CDH10: variants seen among roughly 807,000 people sequenced by gnomAD.
The protein encoded by CDH10 is cadherin-10.
CDH10 carries 30 observed loss-of-function variants against 73.1 expected under a neutral mutation model. That is an observed-to-expected ratio of 0.41 (90% CI 0.31 to 0.56). CDH10 has a LOEUF of 0.56. Among genes scored for constraint, CDH10 ranks in the 20% least tolerant of loss-of-function variants. The probability of loss-of-function intolerance (pLI) is 0.27; values close to 1 mark genes in which losing one functional copy is unlikely to be tolerated. For synonymous variants in CDH10, 345 were observed against 348.2 expected (o/e 0.99, Z 0.10); for missense variants, 815 against 973.7 (o/e 0.84, Z 2.17).
chr5:24,508,250 T>C (rs1742770274), intron 7 of CDH10, among the ~76,000 whole-genome samples: 1 of 152,222 alleles, frequency 6.6e-6, no homozygotes, highest in Non-Finnish European at 1.5e-5. Context: ...GAATAGTGTA[T>C]GTCAATATAT....
At chr5:24,619,822 G>A (rs184361950) in intron 1 of CDH10, among the ~76,000 whole-genome samples, 1 of 152,272 alleles carries the variant, frequency 6.6e-6, no homozygotes, top group Non-Finnish European at 1.5e-5. Flanking sequence ...ACTACGTGTG[G>A]TCACAAGGAG....
At chr5:24,642,562 T>G (rs1748088657) in intron 1 of CDH10, among the ~76,000 whole-genome samples, 1 of 152,138 alleles carries the variant, frequency 6.6e-6, no homozygotes, top group Non-Finnish European at 1.5e-5. Context: ...TATCCTCTCT[T>G]TTTCTTTTTT....
At chr5:24,492,722 A>G (rs937102682) in intron 10 of CDH10, 95 bp downstream of exon 10, 5 of 635,260 alleles carry the variant, frequency 7.9e-6, no homozygotes, top group South Asian at 2.1e-5. Context: ...ACTCAGATCA[A>G]TAAATTGATA....
chr5:24,623,856 A>G (rs1747397495), intron 1 of CDH10, among the ~76,000 whole-genome samples: 3 of 152,202 alleles, frequency 2.0e-5, no homozygotes, highest in Admixed American at 1.3e-4. Flanking sequence ...TGTCAACTAT[A>G]CCAGTGATGA....
rs560711996 is a variant in CDH10, at chr5:24,512,272, T to C, written c.815-758A>G. ...TTCCCATCTTAATCTCTGGGATAGT[T>C]GGGATTAGAGACGCAAGCCACGCAC... is the stretch of plus-strand genomic sequence containing the variant. On this transcript the variant is annotated intron_variant, in intron 5 of 11. Coordinates refer to ENST00000264463, the MANE Select transcript of CDH10 (RefSeq NM_006727.5). 7.2e-5 allele frequency among the ~76,000 whole-genome samples: 11 copies of C among 152,284 alleles called. No individual in the cohort carries two copies. The South Asian group carries it at 2.3e-3, about 32-fold the overall frequency.
intron 1 of CDH10, among the ~76,000 whole-genome samples, chr5:24,641,526 A>G (rs1257462897): frequency 6.6e-6 from 1 of 152,068 alleles, no homozygotes; most frequent in Admixed American, 6.6e-5. Context: ...ACAAAACAAT[A>G]TATTTTTGTG....
chr5:24,616,388 A>G (rs1364160575), intron 1 of CDH10, among the ~76,000 whole-genome samples: 1 of 152,206 alleles, frequency 6.6e-6, no homozygotes, highest in East Asian at 1.9e-4. Flanking sequence ...TGTAGGAAAG[A>G]ACACTGAATA....
At position 24,602,305 on chromosome 5, in the gene CDH10, G is replaced by T. The variant is rs551987191; in HGVS notation, c.-123-8692C>A. Among the ~76,000 whole-genome samples the T allele has an allele frequency of 2.0e-5, 3 of 152,236 alleles. No homozygotes were observed. The East Asian group carries it at 5.8e-4, about 30-fold the overall frequency. On this transcript the variant is annotated intron_variant, in intron 1 of 11. Transcript: ENST00000264463. ...GGAACCAGAGAGATTTATCATTTCA[G>T]CAAGTATTTAGTGGGCTAAGATCAC...
chr5:24,554,328 T>A (rs1425885236), intron 2 of CDH10: 1 of 152,220 alleles, frequency 6.6e-6, no homozygotes, highest in East Asian at 1.9e-4. Flanking sequence ...TAATTAGAAA[T>A]GTAATTTATT....
chr5:24,528,003 G>A (rs1303356285), intron 5 of CDH10, among the ~76,000 whole-genome samples: 2 of 151,820 alleles, frequency 1.3e-5, no homozygotes, highest in Non-Finnish European at 2.9e-5. Flanking sequence ...TCTTAGCACA[G>A]TTCTTGGCAC....
At position 24,512,757 on chromosome 5, in the gene CDH10, C is replaced by T. The variant is rs939323308; in HGVS notation, c.815-1243G>A. The stretch of plus-strand genomic sequence containing the variant: ...AACTACATATTTCTGATGGATTAAT[C>T]AACCTCAAGTACACTCTGATTATAG... On this transcript the variant is annotated intron_variant, in intron 5 of 11. Transcript: ENST00000264463. 6.6e-5 allele frequency among the ~76,000 whole-genome samples: 10 copies of T among 152,126 alleles called. No individual in the cohort carries two copies. In the South Asian group the frequency reaches 8.3e-4, roughly 13 times the overall value.
chr5:24,536,760 C>A (rs1743967725), intron 3 of CDH10, among the ~76,000 whole-genome samples: 1 of 151,904 alleles, frequency 6.6e-6, no homozygotes, highest in Admixed American at 6.6e-5. Flanking sequence ...ACAGGTTCCA[C>A]AATCTAACTT....
At chr5:24,542,156 G>A (rs540145877) in intron 2 of CDH10, among the ~76,000 whole-genome samples, 2 of 152,054 alleles carry the variant, frequency 1.3e-5, no homozygotes, top group African/African-American at 4.8e-5. Flanking sequence ...GGGACTTACA[G>A]CCTATCTAGT....
chr5:24,547,800 G>C (rs2111937372), intron 2 of CDH10, among the ~76,000 whole-genome samples: 1 of 152,272 alleles, frequency 6.6e-6, no homozygotes, highest in African/African-American at 2.4e-5. Flanking sequence ...ACAATTCTCA[G>C]TGCCTCTAGA....
In CDH10 at chr5:24,570,739, A is replaced by AT. The variant is rs147878826; in HGVS notation, c.231+22520dup. ...ATCTTTAAAACTGTCTGTATGAAAT[A>AT]TAAAGAAAATGTCTGCTTATGATAG... On this transcript the variant is annotated intron_variant, in intron 2 of 11. Coordinates refer to ENST00000264463, the MANE Select transcript of CDH10 (RefSeq NM_006727.5). Among the ~76,000 whole-genome samples the AT allele has an allele frequency of 8.9e-4, 136 of 152,306 alleles. 4 individuals carry two copies. The East Asian group carries it at 0.026, about 29-fold the overall frequency.
chr5:24,560,226 G>C (rs1305605806), intron 2 of CDH10, among the ~76,000 whole-genome samples: 1 of 151,328 alleles, frequency 6.6e-6, no homozygotes, highest in African/African-American at 2.4e-5. Context: ...GTGTGTGTGT[G>C]TGTGTGTGTG....
intron 5 of CDH10, among the ~76,000 whole-genome samples, chr5:24,532,003 A>G (rs1379290133): frequency 6.6e-6 from 1 of 152,134 alleles, no homozygotes; most frequent in Non-Finnish European, 1.5e-5. Flanking sequence ...CATAATCAAA[A>G]ACGTCTTGGG....
At chr5:24,538,701 C>G (rs148850173) in intron 2 of CDH10, among the ~76,000 whole-genome samples, 69 of 152,206 alleles carry the variant, frequency 4.5e-4, no homozygotes, top group African/African-American at 1.7e-3. Context: ...AGAGCCTCTT[C>G]TAAAACCTAG....
At chr5:24,613,835 C>A (rs1747037457) in intron 1 of CDH10, among the ~76,000 whole-genome samples, 1 of 152,070 alleles carries the variant, frequency 6.6e-6, no homozygotes, top group Admixed American at 6.6e-5. Context: ...ACTAAAAACA[C>A]CTTCTATATT....
Sources: allele counts gnomAD v4.1 joint callset (sites outside exome capture counted in the v4.1 genomes callset), GRCh38; gene constraint gnomAD v4.1.1; transcripts MANE v1.5; gene names NCBI Gene and HGNC (gene_info 2026-07-23, HGNC 2026-07-21).